The following TMEM74B variants were observed in gnomAD, a reference collection of about 807,000 sequenced individuals.
TMEM74B encodes transmembrane protein C20orf46.
TMEM74B carries 7 observed loss-of-function variants against 6.5 expected under a neutral mutation model. The ratio of observed to expected loss-of-function variants is 1.07; its 90% CI spans 0.61 to 2.01. The LOEUF is 2.01. Ranked by LOEUF, TMEM74B falls within the 30% of genes most tolerant of loss-of-function variation. The pLI is 0.00. For synonymous variants in TMEM74B, 151 were observed against 151.6 expected, an observed-to-expected ratio of 1.00 and a Z score of 0.03; for missense variants, 342 against 337.0, an observed-to-expected ratio of 1.01 and a Z score of -0.12.
upstream of TMEM74B, among the ~76,000 whole-genome samples, chr20:1,189,013 G>A (rs541576428): frequency 7.2e-5 from 11 of 152,146 alleles, no homozygotes; most frequent in South Asian, 2.3e-3. The surrounding 1 kb of genome is among the most constrained non-coding windows in gnomAD (Gnocchi z 4.5). Context: ...GGGCAGGTGG[G>A]AAGTAACTTT....
At chr20:1,183,322 G>C (rs895972124) in intron 2 of TMEM74B, among the ~76,000 whole-genome samples, 2 of 151,606 alleles carry the variant, frequency 1.3e-5, no homozygotes, top group East Asian at 3.9e-4. Flanking sequence ...GTGTTTGTGT[G>C]TGTGTGTGTG....
Position 1,181,861 on chromosome 20 carries a change from C to T in TMEM74B, c.32-274G>A, listed in dbSNP as rs1051256079. 1.1e-4 allele frequency among the ~76,000 whole-genome samples: 16 copies of T among 152,246 alleles called. No individual in the cohort carries two copies. The highest frequency in any genetic ancestry group is 3.9e-4 in the East Asian group (2 of 5,186). On this transcript the variant is annotated intron_variant, in intron 2 of 2. Coordinates refer to ENST00000429036, the MANE Select transcript of TMEM74B (RefSeq NM_001304748.2). This position sits in a 1 kb window ranked among gnomAD's most constrained non-coding sequence, Gnocchi z 4.9. ...CACCTATAAAATAATACTACTACTA[C>T]CCTCTAGTTCGCAAAGCTGGAGTAG...
upstream of TMEM74B, among the ~76,000 whole-genome samples, chr20:1,187,888 C>T (rs139964154): frequency 3.9e-5 from 6 of 152,284 alleles, no homozygotes; most frequent in East Asian, 1.2e-3. Context: ...TGGAGAGCCT[C>T]ACTGATGAAT....
At chr20:1,186,228 C>T (rs2122696430), upstream of TMEM74B, 1 of 152,440 alleles carries the variant, frequency 6.6e-6, no homozygotes, top group South Asian at 2.1e-4. Context: ...CCTCCTCCAT[C>T]GGATTGGCAG....
Position 1,180,864 on chromosome 20 carries a change from G to T in TMEM74B, c.755C>A (p.Thr252Asn). The T allele has an allele frequency of 1.3e-6, 2 of 1,596,670 alleles. No individual in the cohort carries two copies. Among genetic ancestry groups the T allele is most frequent in the Non-Finnish European group, 1.7e-6 (2 of 1,169,442 alleles). Residue 252 changes from threonine to asparagine, a missense_variant, in exon 3 of 3, where the codon ACC (threonine) becomes AAC (asparagine). By Grantham distance (65) the Thr-to-Asn change is moderately conservative. Coordinates refer to ENST00000429036, the MANE Select transcript of TMEM74B (RefSeq NM_001304748.2). This position sits in a 1 kb window ranked among gnomAD's most constrained non-coding sequence, Gnocchi z 6.1. ...GGCTAGTTCTTAAGACCTCTGGAGG[G>T]TGTGGCTAGTCTCTGAGACCTGGAC... ...EVVQVSETSH[T>N]LQRS
rs898049919 is a variant in TMEM74B at position 1,181,980 on chromosome 20, A to G, written c.32-393T>C. ...ACTGGAGGGAATGTAGGTAGTGTGA[A>G]TATCAGGCTCAAATCCCAGCTTCAC... On this transcript the variant is annotated intron_variant, in intron 2 of 2. Transcript: ENST00000429036. This position sits in a 1 kb window ranked among gnomAD's most constrained non-coding sequence, Gnocchi z 4.9. Among the ~76,000 whole-genome samples the G allele has an allele frequency of 6.6e-6, 1 of 152,238 alleles. No homozygotes were observed. The highest frequency in any genetic ancestry group is 1.5e-5 in the Non-Finnish European group (1 of 68,048).
At chr20:1,183,985 G>A (rs1219253217) in intron 1 of TMEM74B, 37 bp from the exon 2 acceptor site, 5 of 624,128 alleles carry the variant, frequency 8.0e-6, no homozygotes, top group East Asian at 5.9e-5. Flanking sequence ...AGATGTGTTT[G>A]TTGGTTGGCT....
In TMEM74B at chr20:1,180,912, T is replaced by A. The variant is rs375671220; in HGVS notation, c.707A>T (p.Gln236Leu). The change falls in exon 3 of 3, where the codon CAG (glutamine) becomes CTG (leucine). Residue 236 changes from glutamine to leucine, a missense_variant. Coordinates refer to ENST00000429036, the MANE Select transcript of TMEM74B (RefSeq NM_001304748.2). The surrounding 1 kb of genome is among the most constrained non-coding windows in gnomAD (Gnocchi z 6.1). ...RMRQLNGDGG[Q>L]ALVENEVVQV... The stretch of plus-strand genomic sequence containing the variant: ...GACAACTTCATTCTCCACCAGGGCC[T>A]GGCCCCCATCCCCATTGAGCTGTCT... 6.2e-7 allele frequency: 1 copy of A among 1,613,308 alleles called. No individual in the cohort carries two copies. Among genetic ancestry groups the A allele is most frequent in the African/African-American group, 1.3e-5 (1 of 74,912 alleles).
Position 1,181,448 on chromosome 20 carries a change from C to A in TMEM74B, c.171G>T (p.Glu57Asp). 1 of 1,515,656 alleles carries A rather than the reference C, an allele frequency of 6.6e-7. No homozygotes were observed. Among genetic ancestry groups the A allele is most frequent in the African/African-American group, 1.4e-5 (1 of 71,724 alleles). 93.9% of individuals were successfully genotyped at this position (1,515,656 alleles called of 1,614,324 possible). A position where few individuals can be genotyped will look rare whatever the true frequency, so the allele number is the denominator to read the frequency against. Residue 57 changes from glutamate to aspartate, a missense_variant, in exon 3 of 3, where the codon GAG (glutamate) becomes GAT (aspartate). Coordinates refer to ENST00000429036, the MANE Select transcript of TMEM74B (RefSeq NM_001304748.2). This position sits in a 1 kb window ranked among gnomAD's most constrained non-coding sequence, Gnocchi z 4.9. Reference protein sequence around the residue: ...APLGPVAPTREGVENACFSSE... With the variant: ...APLGPVAPTRDGVENACFSSE... ...AGGAGAAGCAGGCATTCTCCACACC[C>A]TCCCTGGTTGGGGCCACTGGGCCCA...
chr20:1,182,999 G>A (rs866254709), intron 2 of TMEM74B, among the ~76,000 whole-genome samples: 1 of 152,184 alleles, frequency 6.6e-6, no homozygotes, highest in Non-Finnish European at 1.5e-5. Flanking sequence ...GGCAATCGGG[G>A]CTCTTAGGCA....
At chr20:1,188,463 C>A (rs1185397397), upstream of TMEM74B, among the ~76,000 whole-genome samples, 2 of 149,874 alleles carry the variant, frequency 1.3e-5, no homozygotes, top group Non-Finnish European at 3.0e-5. Context: ...ACACTCTACA[C>A]ACACTACACA....
chr20:1,188,381 A>G (rs1051621165), upstream of TMEM74B, among the ~76,000 whole-genome samples: 2 of 151,414 alleles, frequency 1.3e-5, no homozygotes, highest in African/African-American at 4.9e-5. Context: ...AGCCCAGAGC[A>G]TCTGATAGTG....
At position 1,184,164 on chromosome 20, in the gene TMEM74B, T is replaced by C; in HGVS notation, c.-148+138A>G. 4.7e-6 allele frequency: 1 copy of C among 212,316 alleles called. No individual in the cohort carries two copies. Among genetic ancestry groups the C allele is most frequent in the Non-Finnish European group, 9.4e-6 (1 of 106,874 alleles). The allele number at this position is 212,316 out of a possible 1,614,324, so 13.2% of individuals were successfully genotyped here. A position where few individuals can be genotyped will look rare whatever the true frequency, so the allele number is the denominator to read the frequency against. ...GAACCCCTTTCCCAGACTGATATATTGATGCCTCCACACCCTGGAAGAAAT... is the reference window on the plus strand; with the variant it reads ...GAACCCCTTTCCCAGACTGATATATCGATGCCTCCACACCCTGGAAGAAAT... On this transcript the variant is annotated intron_variant, in intron 1 of 2. Transcript: ENST00000429036. The surrounding 1 kb of genome is among the most constrained non-coding windows in gnomAD (Gnocchi z 6.0).
rs1045270077 is a variant in TMEM74B, at chr20:1,184,953, C to G, written c.-799G>C. Among the ~76,000 whole-genome samples, 6 of 152,234 alleles carry G rather than the reference C, an allele frequency of 3.9e-5. No homozygotes were observed. The highest frequency in any genetic ancestry group is 8.8e-5 in the Non-Finnish European group (6 of 68,040). On this transcript the variant is annotated 5_prime_UTR_variant, in exon 1 of 3. Transcript: ENST00000429036. This position sits in a 1 kb window ranked among gnomAD's most constrained non-coding sequence, Gnocchi z 6.0. ...CCAGTCCACACCCCCTGCTCCTGCC[C>G]TTGCCCACAGACGCGGGACCCGGAA...
At chr20:1,186,094 C>T (rs1381816865), upstream of TMEM74B, 1 of 152,390 alleles carries the variant, frequency 6.6e-6, no homozygotes, top group Non-Finnish European at 1.5e-5. Context: ...TGTGGGGCCT[C>T]TTCTCCTGGA....
Position 1,181,910 on chromosome 20 carries a change from ACT to A in TMEM74B, c.32-325_32-324del, listed in dbSNP as rs1303582148. Among the ~76,000 whole-genome samples the A allele has an allele frequency of 1.9e-4, 29 of 152,298 alleles. No homozygotes were observed. Among genetic ancestry groups the A allele is most frequent in the Non-Finnish European group, 1.5e-5 (1 of 68,032 alleles). On this transcript the variant is annotated intron_variant, in intron 2 of 2. Coordinates refer to ENST00000429036, the MANE Select transcript of TMEM74B (RefSeq NM_001304748.2). The surrounding 1 kb of genome is among the most constrained non-coding windows in gnomAD (Gnocchi z 4.9). Reference sequence around the variant, plus strand: ...AGGATTGAGATAACCTATACGAAGTACTCAGAACACTAAGTGCTCAAAGTTAG... The same window carrying A: ...AGGATTGAGATAACCTATACGAAGTACAGAACACTAAGTGCTCAAAGTTAG...
chr20:1,187,511 A>G (rs748290908), upstream of TMEM74B, among the ~76,000 whole-genome samples: 3 of 152,260 alleles, frequency 2.0e-5, no homozygotes, highest in Admixed American at 6.5e-5. Flanking sequence ...AGTAAATGTA[A>G]CATTGCAGTT....
chr20:1,187,960 C>G (rs1359279262), upstream of TMEM74B, among the ~76,000 whole-genome samples: 1 of 152,148 alleles, frequency 6.6e-6, no homozygotes, highest in Non-Finnish European at 1.5e-5. Context: ...TTTGGAAGCT[C>G]TGTTTCCTGG....
In TMEM74B at chr20:1,184,018, A is replaced by C; in HGVS notation, c.-147-70T>G. 1.9e-6 allele frequency: 1 copy of C among 539,046 alleles called. No individual in the cohort carries two copies. Among genetic ancestry groups the C allele is most frequent in the Non-Finnish European group, 3.3e-6 (1 of 305,832 alleles). 33.4% of individuals were successfully genotyped at this position (539,046 alleles called of 1,614,324 possible). On this transcript the variant is annotated intron_variant, in intron 1 of 2. Coordinates refer to ENST00000429036, the MANE Select transcript of TMEM74B (RefSeq NM_001304748.2). The surrounding 1 kb of genome is among the most constrained non-coding windows in gnomAD (Gnocchi z 6.0). Reference sequence around the variant, plus strand: ...GCTTTTTACTCTTAGCACCAAAAACATTTTCCTGAGTGCCCAGCCACAAAC... The same window carrying C: ...GCTTTTTACTCTTAGCACCAAAAACCTTTTCCTGAGTGCCCAGCCACAAAC...
Sources: gnomAD v4.1 joint callset for allele counts (sites outside exome capture counted in the v4.1 genomes callset) on GRCh38, gnomAD v4.1.1 for gene constraint, Gnocchi (gnomAD v3.1) non-coding constraint, MANE v1.5 for transcripts, NCBI Gene and HGNC (gene_info 2026-07-23, HGNC 2026-07-21) for gene names.